The following ZNF283 variants were observed in gnomAD, a reference collection of about 807,000 sequenced individuals.
ZNF283 encodes zinc finger protein 283, also known as zinc finger protein 41.
In ZNF283, 10 loss-of-function variants were observed where a neutral mutation model predicts 9.2. The observed-to-expected ratio is 1.09, with a 90% CI of 0.67 to 1.85. ZNF283 has a LOEUF of 1.85. Ranked by LOEUF, ZNF283 falls within the 40% of genes most tolerant of loss-of-function variation. The pLI, the probability that ZNF283 is intolerant of heterozygous loss-of-function variation, is 0.00. For missense variants in ZNF283, 631 were observed against 760.1 expected, an observed-to-expected ratio of 0.83 and a Z score of 2.00; for synonymous variants, 234 against 244.1, an observed-to-expected ratio of 0.96 and a Z score of 0.38.
chr19:43,833,669 T>C, intron 4 of ZNF283, 43 bp downstream of exon 4: 1 of 156,256 alleles, frequency 6.4e-6, no homozygotes, highest in South Asian at 1.7e-4. Context: ...GTAGTTTTAG[T>C]AGAGACGGGG....
chr19:43,831,630 T>C (rs1003280936), intron 3 of ZNF283, among the ~76,000 whole-genome samples: 3 of 152,154 alleles, frequency 2.0e-5, no homozygotes, highest in Non-Finnish European at 2.9e-5. Context: ...TTGGTGTTTT[T>C]TTTCTTTTTC....
At position 43,848,841 on chromosome 19, in the gene ZNF283, C is replaced by G. The variant is rs1026584240; in HGVS notation, c.*200C>G. ...TAATTAATATGAAAAGGCCTTTAGA[C>G]TTCTGTACAGTCTTATTGGATATCA... On this transcript the variant is annotated 3_prime_UTR_variant, in exon 7 of 7. Coordinates refer to ENST00000618787, the MANE Select transcript of ZNF283 (RefSeq NM_181845.2). 3.3e-5 allele frequency: 15 copies of G among 461,336 alleles called. No homozygotes were observed. Among genetic ancestry groups the G allele is most frequent in the Admixed American group, 7.4e-5 (2 of 27,188 alleles). The allele number at this position is 461,336 out of a possible 1,614,324, so 28.6% of individuals were successfully genotyped here. A position where few individuals can be genotyped will look rare whatever the true frequency, so the allele number is the denominator to read the frequency against.
At position 43,837,188 on chromosome 19, in the gene ZNF283, A is replaced by T; in HGVS notation, c.337+9A>T. On this transcript the variant is annotated intron_variant, in intron 6 of 6. Coordinates refer to ENST00000618787, the MANE Select transcript of ZNF283 (RefSeq NM_181845.2). ...TAACTTGGTGTCACTGGGTAAGGTCATCTGCCTGAAATAATTTAGAGTCTC... is the reference window on the plus strand; with the variant it reads ...TAACTTGGTGTCACTGGGTAAGGTCTTCTGCCTGAAATAATTTAGAGTCTC... 6.3e-7 allele frequency: 1 copy of T among 1,582,486 alleles called. No homozygotes were observed. The highest frequency in any genetic ancestry group is 8.6e-7 in the Non-Finnish European group (1 of 1,166,512).
At chr19:43,829,541 T>G (rs1190419087) in intron 2 of ZNF283, among the ~76,000 whole-genome samples, 3 of 152,170 alleles carry the variant, frequency 2.0e-5, no homozygotes, top group Admixed American at 6.5e-5. Context: ...ACCTACCTAA[T>G]GGAGTTGATA....
At chr19:43,837,205 TAG>T (rs774304879) in intron 6 of ZNF283, 26 bp downstream of exon 6, 2 of 1,557,638 alleles carry the variant, frequency 1.3e-6, no homozygotes, top group Admixed American at 2.0e-5. Flanking sequence ...TGAAATAATT[TAG>T]AGTCTCCTCT....
chr19:43,847,163 T>C lies in ZNF283; in HGVS notation c.562T>C (p.Tyr188His), dbSNP rs1315028771. 8 of 1,613,486 alleles carry C rather than the reference T, an allele frequency of 5.0e-6. No homozygotes were observed. In the Admixed American group the frequency reaches 5.0e-5, roughly 10 times the overall value. ...MIISYEKIPSYRKSKSLTPHQ... is the reference protein window; with the variant it reads ...MIISYEKIPSHRKSKSLTPHQ... ...AATCAGCTATGAAAAAATACCTTCTTACAGAAAAAGTAAATCTCTTACTCC... is the reference window on the plus strand; with the variant it reads ...AATCAGCTATGAAAAAATACCTTCTCACAGAAAAAGTAAATCTCTTACTCC... The change falls in exon 7 of 7, where the codon TAC becomes CAC. Residue 188 changes from tyrosine to histidine, a missense_variant. By Grantham distance (83) the Tyr-to-His change is moderately conservative. This residue lies in a region of ZNF283 where 184 missense variants were observed against 220.0 expected (regional missense o/e 0.84). Transcript: ENST00000618787.
rs1013560296 is a variant in ZNF283 at position 43,851,747 on chromosome 19, G to A, written c.*3106G>A. On this transcript the variant is annotated 3_prime_UTR_variant, in exon 7 of 7. Transcript: ENST00000618787. The stretch of plus-strand genomic sequence containing the variant: ...AATAAAAATAAAAAAAGACTAAGGA[G>A]TATTCTAGTGAAGAAAATGGTTGAA... The A allele has an allele frequency of 5.9e-5, 9 of 152,192 alleles. No individual in the cohort carries two copies. The highest frequency in any genetic ancestry group is 2.2e-4 in the African/African-American group (9 of 41,446). The allele number at this position is 152,192 out of a possible 1,614,324, so 9.4% of individuals were successfully genotyped here. A position where few individuals can be genotyped will look rare whatever the true frequency, so the allele number is the denominator to read the frequency against.
In ZNF283 at chr19:43,848,162, G is replaced by C. The variant is rs763932520; in HGVS notation, c.1561G>C (p.Gly521Arg). 5.0e-6 allele frequency: 8 copies of C among 1,614,018 alleles called. No homozygotes were observed. In the Admixed American group the frequency reaches 1.3e-4, roughly 27 times the overall value. ...GEKPYECKEC[G>R]KAFNCGSSLV... is the part of the protein sequence containing the mutation. The stretch of plus-strand genomic sequence containing the variant: ...GAAACCCTATGAATGTAAGGAATGT[G>C]GGAAGGCTTTTAATTGTGGATCAAG... Residue 521 changes from glycine (G) to arginine (R), a missense_variant, in exon 7 of 7, where the codon GGG (glycine) becomes CGG (arginine). Gly to Arg is a moderately radical substitution (Grantham distance 125). Around this residue, in one of 3 missense-constraint regions of ZNF283, gnomAD observed 444 missense variants for 522.5 expected, o/e 0.85. Transcript: ENST00000618787.
rs759559583 is a variant in ZNF283 at position 43,848,369 on chromosome 19, GAGA to G, written c.1769_1771del (p.Glu590_Arg591delinsGly). 34 of 1,613,582 alleles carry G rather than the reference GAGA, an allele frequency of 2.1e-5. 1 individual carries two copies. The Middle Eastern group carries it at 1.3e-3, about 62-fold the overall frequency. ...TTGGGGTTCAAGCCTAGTTAAGCATGAGAGAGTCCATACTAATGAGAAGTCTTA... is the reference window on the plus strand; with the variant it reads ...TTGGGGTTCAAGCCTAGTTAAGCATGGAGTCCATACTAATGAGAAGTCTTA... On this transcript the variant is annotated inframe_deletion, in exon 7 of 7. Transcript: ENST00000618787.
rs1404685716 is a variant in ZNF283 at position 43,828,244 on chromosome 19, A to G, written c.-102A>G. On this transcript the variant is annotated 5_prime_UTR_variant, in exon 2 of 7. Transcript: ENST00000618787. ...ATTTCTAAGAAGGAGTTTGAAGAGGAGAAAAGGATTTTTGCATGTTTAGAA... is the reference window on the plus strand; with the variant it reads ...ATTTCTAAGAAGGAGTTTGAAGAGGGGAAAAGGATTTTTGCATGTTTAGAA... 6.6e-6 allele frequency: 1 copy of G among 152,148 alleles called. No individual in the cohort carries two copies. Among genetic ancestry groups the G allele is most frequent in the African/African-American group, 2.4e-5 (1 of 41,426 alleles). 9.4% of individuals were successfully genotyped at this position (152,148 alleles called of 1,614,324 possible).
At chr19:43,835,785 G>A (rs1970951169) in intron 5 of ZNF283, among the ~76,000 whole-genome samples, 193 bp downstream of exon 5, 1 of 152,180 alleles carries the variant, frequency 6.6e-6, no homozygotes, top group Non-Finnish European at 1.5e-5. Flanking sequence ...TCAGATTAGA[G>A]AGAGGGGAGT....
chr19:43,839,720 G>T (rs181609555), intron 6 of ZNF283, among the ~76,000 whole-genome samples: 2 of 151,874 alleles, frequency 1.3e-5, no homozygotes, highest in Admixed American at 6.6e-5. Flanking sequence ...ATCCACTATT[G>T]AAATTTTCAT....
rs879124446 is a variant in ZNF283 at position 43,848,048 on chromosome 19, G to C, written c.1447G>C (p.Gly483Arg). Residue 483 changes from glycine to arginine, a missense_variant, in exon 7 of 7, where the codon GGT becomes CGT. Coordinates refer to ENST00000618787, the MANE Select transcript of ZNF283 (RefSeq NM_181845.2). ...SLVKHERVHT[G>R]EKSHECKECG... ...TGTTAAACATGAGAGAGTTCATACTGGTGAGAAATCCCATGAATGTAAAGA... is the reference window on the plus strand; with the variant it reads ...TGTTAAACATGAGAGAGTTCATACTCGTGAGAAATCCCATGAATGTAAAGA... 1.9e-6 allele frequency: 3 copies of C among 1,611,284 alleles called. No individual in the cohort carries two copies. The South Asian group carries it at 3.3e-5, about 18-fold the overall frequency.
At chr19:43,840,474 G>A (rs540325102) in intron 6 of ZNF283, among the ~76,000 whole-genome samples, 7 of 152,270 alleles carry the variant, frequency 4.6e-5, no homozygotes, top group African/African-American at 1.7e-4. Flanking sequence ...GCTGAGGAGT[G>A]AAGGAAGTGA....
At chr19:43,828,746 C>CCTGGGCTCAGGTGTTCCT (rs1158125095) in intron 2 of ZNF283, among the ~76,000 whole-genome samples, 1 of 150,306 alleles carries the variant, frequency 6.7e-6, no homozygotes, top group Non-Finnish European at 1.5e-5. Context: ...ACCTTGAAGT[C>CCTGGGCTCAGGTGTTCCT]CTGGGCTCAG....
At chr19:43,837,212 T>A (rs1971019625) in intron 6 of ZNF283, 33 bp downstream of exon 6, 1 of 1,539,652 alleles carries the variant, frequency 6.5e-7, no homozygotes, top group South Asian at 1.2e-5. Flanking sequence ...ATTTAGAGTC[T>A]CCTCTTTGCA....
chr19:43,843,033 T>A (rs1266144886), intron 6 of ZNF283, among the ~76,000 whole-genome samples: 1 of 152,152 alleles, frequency 6.6e-6, no homozygotes, highest in Non-Finnish European at 1.5e-5. Flanking sequence ...GAAAACCACT[T>A]GTACAGTTGT....
chr19:43,830,221 C>T (rs962803346), intron 2 of ZNF283, among the ~76,000 whole-genome samples: 6 of 152,080 alleles, frequency 3.9e-5, no homozygotes, highest in African/African-American at 7.2e-5. Flanking sequence ...ACTACAGGTA[C>T]GTGCCACAAA....
At chr19:43,834,504 G>C (rs1447677521) in intron 4 of ZNF283, among the ~76,000 whole-genome samples, 2 of 151,130 alleles carry the variant, frequency 1.3e-5, no homozygotes, top group Non-Finnish European at 2.9e-5. Context: ...TGATTGTGTG[G>C]ATTACCTAAA....
Sources: allele counts gnomAD v4.1 joint callset (sites outside exome capture counted in the v4.1 genomes callset), GRCh38; gene constraint gnomAD v4.1.1; regional missense constraint gnomAD v4.1.1; transcripts MANE v1.5; gene names NCBI Gene and HGNC (gene_info 2026-07-23, HGNC 2026-07-21).